The following VPS13A variants were observed in gnomAD, a reference collection of about 807,000 sequenced individuals.
VPS13A encodes vacuolar protein sorting 13 homolog A.
In VPS13A, 264 loss-of-function variants were observed where a neutral mutation model predicts 390.9. The observed-to-expected ratio is 0.68, with a 90% confidence interval of 0.61 to 0.75. VPS13A has a LOEUF of 0.75. Among genes scored for constraint, VPS13A ranks in the 30% least tolerant of loss-of-function variants. The pLI, the probability that VPS13A is intolerant of heterozygous loss-of-function variation, is 0.00. For missense variants in VPS13A, 3,409 were observed against 3,733.9 expected, an observed-to-expected ratio of 0.91 and a Z score of 2.27; for synonymous variants, 1,231 against 1,227.1, an observed-to-expected ratio of 1.00 and a Z score of -0.07.
chr9:77,368,460 A>G (rs568767806), intron 62 of VPS13A, among the ~76,000 whole-genome samples: 45 of 152,358 alleles, frequency 3.0e-4, no homozygotes, highest in African/African-American at 9.1e-4. Flanking sequence ...TAACTAACTG[A>G]TGAACACGGG....
At chr9:77,201,937 G>A (rs1825354948) in intron 3 of VPS13A, among the ~76,000 whole-genome samples, 1 of 151,964 alleles carries the variant, frequency 6.6e-6, no homozygotes, top group African/African-American at 2.4e-5. Context: ...TGGAATTTGA[G>A]GTTTTAACAT....
In VPS13A at chr9:77,418,009, T is replaced by C. The variant is rs1179575910; in HGVS notation, c.*2003T>C. ...TCATATCATTTGTTGTTTTAGAAGA[T>C]TGTCTTCATCTAAACAAAAACACTA... is the stretch of plus-strand genomic sequence containing the variant. On this transcript the variant is annotated 3_prime_UTR_variant, in exon 72 of 72. Transcript: ENST00000360280. 2 of 152,216 alleles carry C rather than the reference T, an allele frequency of 1.3e-5. No homozygotes were observed. The highest frequency in any genetic ancestry group is 2.4e-5 in the African/African-American group (1 of 41,464). 9.4% of individuals were successfully genotyped at this position (152,216 alleles called of 1,614,324 possible). A position where few individuals can be genotyped will look rare whatever the true frequency, so the allele number is the denominator to read the frequency against.
Position 77,191,634 on chromosome 9 carries a change from C to T in VPS13A, c.101-8311C>T, listed in dbSNP as rs190298396. On this transcript the variant is annotated intron_variant, in intron 1 of 71. Transcript: ENST00000360280. Reference sequence around the variant, plus strand: ...CTGGATTTCAGTGAAATTAAGATTTCGTTGTTTACCCAAAAGTCATTCAGG... The same window carrying T: ...CTGGATTTCAGTGAAATTAAGATTTTGTTGTTTACCCAAAAGTCATTCAGG... 8.5e-5 allele frequency among the ~76,000 whole-genome samples: 13 copies of T among 152,144 alleles called. No individual in the cohort carries two copies. The East Asian group carries it at 9.7e-4, about 11-fold the overall frequency.
In VPS13A at chr9:77,321,480, T is replaced by G. The variant is rs878971448; in HGVS notation, c.5575-11T>G. ...CATTTCATTTTATTTAGCATAACTCTTTCTTATTAGGCATTTACAGAAGCT... is the reference window on the plus strand; with the variant it reads ...CATTTCATTTTATTTAGCATAACTCGTTCTTATTAGGCATTTACAGAAGCT... On this transcript the variant is annotated splice_polypyrimidine_tract_variant and intron_variant, in intron 43 of 71. Coordinates refer to ENST00000360280, the MANE Select transcript of VPS13A (RefSeq NM_033305.3). 1.2e-6 allele frequency: 2 copies of G among 1,613,154 alleles called. No individual in the cohort carries two copies. The highest frequency in any genetic ancestry group is 1.7e-5 in the Admixed American group (1 of 59,918).
At chr9:77,371,217 C>G in intron 67 of VPS13A, 68 bp downstream of exon 67, 4 of 1,603,890 alleles carry the variant, frequency 2.5e-6, no homozygotes, top group Admixed American at 1.7e-5. Context: ...TTTATCTGCT[C>G]TTTGGCTTCA....
At chr9:77,185,065 G>C (rs1254020911) in intron 1 of VPS13A, among the ~76,000 whole-genome samples, 1 of 152,046 alleles carries the variant, frequency 6.6e-6, no homozygotes, top group Non-Finnish European at 1.5e-5. Context: ...ACAGATCACA[G>C]CCTGCGACTT....
intron 1 of VPS13A, among the ~76,000 whole-genome samples, chr9:77,184,380 A>G (rs1350483829): frequency 6.6e-6 from 1 of 152,134 alleles, no homozygotes; most frequent in Non-Finnish European, 1.5e-5. Context: ...GCACTTTGGG[A>G]AGCTGAGGTG....
At chr9:77,363,857 C>T (rs1000330101) in intron 59 of VPS13A, among the ~76,000 whole-genome samples, 10 of 152,174 alleles carry the variant, frequency 6.6e-5, no homozygotes, top group Non-Finnish European at 1.5e-4. Flanking sequence ...TTAAAACCTA[C>T]TTTCCCCATC....
chr9:77,233,349 G>A (rs1160884736), intron 17 of VPS13A, among the ~76,000 whole-genome samples: 1 of 151,428 alleles, frequency 6.6e-6, no homozygotes, highest in Admixed American at 6.6e-5. Context: ...TTTCAAAGTG[G>A]CAACTTTGAT....
intron 19 of VPS13A, among the ~76,000 whole-genome samples, chr9:77,244,816 G>A (rs1172924545): frequency 6.6e-6 from 1 of 151,872 alleles, no homozygotes; most frequent in Non-Finnish European, 1.5e-5. Context: ...AATGAGAATG[G>A]ATAGATGCCC....
intron 22 of VPS13A, among the ~76,000 whole-genome samples, chr9:77,254,312 G>A (rs767555080): frequency 2.0e-5 from 3 of 152,086 alleles, no homozygotes; most frequent in Admixed American, 6.6e-5. Context: ...TTTTCTCATT[G>A]AATGGCCTTG....
intron 68 of VPS13A, among the ~76,000 whole-genome samples, chr9:77,397,321 A>AT (rs556217298): frequency 2.3e-4 from 34 of 150,686 alleles, no homozygotes; most frequent in African/African-American, 3.9e-4. Context: ...CATTTTTGCT[A>AT]TTTTTTTTTA....
At chr9:77,294,312 C>T (rs533705722) in intron 32 of VPS13A, among the ~76,000 whole-genome samples, 54 of 152,248 alleles carry the variant, frequency 3.5e-4, no homozygotes, top group Non-Finnish European at 6.2e-4. Context: ...TAAGGCATTT[C>T]GGTTCTTATT....
At chr9:77,294,483 A>C (rs1432795531) in intron 32 of VPS13A, among the ~76,000 whole-genome samples, 1 of 152,160 alleles carries the variant, frequency 6.6e-6, no homozygotes, top group African/African-American at 2.4e-5. Context: ...ATCAAATCTA[A>C]GGCTGTAGTG....
chr9:77,321,139 TC>T, intron 42 of VPS13A, 29 bp from the exon 43 acceptor site: 1 of 1,593,874 alleles, frequency 6.3e-7, no homozygotes, highest in Non-Finnish European at 8.6e-7. Flanking sequence ...TTAGAATTTT[TC>T]CTTATATTTC....
At chr9:77,315,498 T>C in intron 38 of VPS13A, 28 bp downstream of exon 38, 1 of 1,602,820 alleles carries the variant, frequency 6.2e-7, no homozygotes. Context: ...ATATTTAATA[T>C]TTGTTTTATT....
In VPS13A at chr9:77,418,823, T is replaced by G. The variant is rs898626598; in HGVS notation, c.*2817T>G. The G allele has an allele frequency of 2.6e-5, 4 of 152,212 alleles. No homozygotes were observed. The highest frequency in any genetic ancestry group is 4.4e-5 in the Non-Finnish European group (3 of 68,028). 9.4% of individuals were successfully genotyped at this position (152,212 alleles called of 1,614,324 possible). A position where few individuals can be genotyped will look rare whatever the true frequency, so the allele number is the denominator to read the frequency against. On this transcript the variant is annotated 3_prime_UTR_variant, in exon 72 of 72. Coordinates refer to ENST00000360280, the MANE Select transcript of VPS13A (RefSeq NM_033305.3). ...GTAATATTGTTCCATTGAATATCTA[T>G]GCACCTAGCTCATCTCTTAGAAACA... is the stretch of plus-strand genomic sequence containing the variant.
intron 14 of VPS13A, among the ~76,000 whole-genome samples, 171 bp from the exon 15 acceptor site, chr9:77,226,295 A>G (rs576100933): frequency 6.6e-6 from 1 of 152,230 alleles, no homozygotes; most frequent in South Asian, 2.1e-4. Flanking sequence ...TGGTACTCCT[A>G]AATTCTTATG....
intron 6 of VPS13A, among the ~76,000 whole-genome samples, chr9:77,210,331 A>G (rs1226639152): frequency 6.9e-6 from 1 of 145,106 alleles, no homozygotes; most frequent in Non-Finnish European, 1.5e-5. Flanking sequence ...TTCCTTGCTC[A>G]AGTGATCCTC....
Sources: gnomAD v4.1 joint callset for allele counts (sites outside exome capture counted in the v4.1 genomes callset) on GRCh38, gnomAD v4.1.1 for gene constraint, MANE v1.5 for transcripts, NCBI Gene and HGNC (gene_info 2026-07-23, HGNC 2026-07-21) for gene names.